Variants in GLT8D2 observed in about 807,000 individuals in gnomAD.
GLT8D2 encodes glycosyltransferase 8 domain containing 2.
A neutral mutation model predicts 44.5 loss-of-function variants in GLT8D2; 45 were observed. The ratio of observed to expected loss-of-function variants is 1.01; its 90% CI spans 0.80 to 1.30. GLT8D2 has a LOEUF of 1.30. Among genes scored for constraint, GLT8D2 ranks in the 50% most tolerant of loss-of-function variants. The pLI is 0.00. For synonymous variants in GLT8D2, 156 were observed against 157.2 expected, an observed-to-expected ratio of 0.99 and a Z score of 0.06; for missense variants, 400 against 430.4, an observed-to-expected ratio of 0.93 and a Z score of 0.62.
chr12:104,006,126 C>T (rs560582194), intron 4 of GLT8D2, among the ~76,000 whole-genome samples: 51 of 150,620 alleles, frequency 3.4e-4, no homozygotes, highest in Non-Finnish European at 5.4e-4. Flanking sequence ...AGCAAACTAT[C>T]GCAGGGATAA....
At position 104,017,382 on chromosome 12, in the gene GLT8D2, G is replaced by A. The variant is rs146996548; in HGVS notation, c.19+2248C>T. Among the ~76,000 whole-genome samples, 5 of 152,270 alleles carry A rather than the reference G, an allele frequency of 3.3e-5. No homozygotes were observed. The East Asian group carries it at 9.7e-4, about 29-fold the overall frequency. ...TTGTTGTCCAGGCTGGAGTGCAATGGCACAGCCTTGGCTCACTGCAACCTC... is the reference window on the plus strand; with the variant it reads ...TTGTTGTCCAGGCTGGAGTGCAATGACACAGCCTTGGCTCACTGCAACCTC... On this transcript the variant is annotated intron_variant, in intron 3 of 10. Coordinates refer to ENST00000360814, the MANE Select transcript of GLT8D2 (RefSeq NM_001384711.1).
chr12:103,993,081 A>G (rs2700510), intron 10 of GLT8D2, among the ~76,000 whole-genome samples: 22,753 of 152,188 alleles, frequency 0.15, 1,886 homozygotes, highest in Admixed American at 0.21. Flanking sequence ...CCGTAATCCT[A>G]GCACTTTGGG....
chr12:104,016,709 GAGAAAGAAAGAAAGAAAGAA>G (rs550246831), intron 3 of GLT8D2, among the ~76,000 whole-genome samples: 2,993 of 72,548 alleles, frequency 0.041, 187 homozygotes, highest in Non-Finnish European at 0.057. Flanking sequence ...GAAAGGGAGA[GAGAAAGAAAGAAAGAAAGAA>G]AGAAAGAAAG....
intron 1 of GLT8D2, among the ~76,000 whole-genome samples, chr12:104,056,660 A>G (rs1355756850): frequency 6.6e-6 from 1 of 152,252 alleles, no homozygotes; most frequent in Non-Finnish European, 1.5e-5. Flanking sequence ...ATATAACACA[A>G]GTCCCCCAAT....
chr12:104,050,539 A>G (rs1168426705), upstream of GLT8D2, among the ~76,000 whole-genome samples: 1 of 152,162 alleles, frequency 6.6e-6, no homozygotes, highest in African/African-American at 2.4e-5. Flanking sequence ...AAGTTTCAGG[A>G]TGGAGTGTTT....
intron 4 of GLT8D2, 56 bp from the exon 5 acceptor site, chr12:104,003,362 G>A (rs1668126041): frequency 1.4e-6 from 2 of 1,466,100 alleles, no homozygotes; most frequent in Admixed American, 1.7e-5. Context: ...AGTAGAGCCA[G>A]TTTAATGCAT....
At chr12:104,034,278 T>C (rs993700112) in intron 1 of GLT8D2, among the ~76,000 whole-genome samples, 7 of 152,188 alleles carry the variant, frequency 4.6e-5, no homozygotes, top group African/African-American at 1.2e-4. Flanking sequence ...GTTCATCTCA[T>C]TGGGACTGGT....
intron 1 of GLT8D2, among the ~76,000 whole-genome samples, chr12:104,022,036 AAGAAGAAGAAGAAGAAGAAGG>A (rs1593551049): frequency 7.5e-6 from 1 of 133,028 alleles, no homozygotes; most frequent in East Asian, 2.3e-4. Context: ...GAAGAAGAAG[AAGAAGAAGAAGAAGAAGAAGG>A]GAAAGAAAGA....
intron 6 of GLT8D2, among the ~76,000 whole-genome samples, chr12:103,998,509 A>T (rs1286120217): frequency 6.6e-6 from 1 of 152,132 alleles, no homozygotes; most frequent in Non-Finnish European, 1.5e-5. Context: ...TCCCGGGTTC[A>T]AGCGATTATC....
chr12:104,037,948 G>A lies in GLT8D2; in HGVS notation c.-164+11947C>T, dbSNP rs183046367. 1.4e-4 allele frequency among the ~76,000 whole-genome samples: 22 copies of A among 152,224 alleles called. 1 individual carries two copies. In the East Asian group the frequency reaches 4.2e-3, roughly 29 times the overall value. On this transcript the variant is annotated intron_variant, in intron 1 of 10. Coordinates refer to ENST00000360814, the MANE Select transcript of GLT8D2 (RefSeq NM_001384711.1). ...GCACATCAAAAAGCTTATCCACCAC[G>A]ATCAAGTTGGCCTCATCCCTGGGAT...
chr12:104,008,006 A>T (rs1875311694), intron 4 of GLT8D2, among the ~76,000 whole-genome samples: 1 of 152,238 alleles, frequency 6.6e-6, no homozygotes, highest in Admixed American at 6.5e-5. Flanking sequence ...AAGTCCGATT[A>T]AAACTCTTTT....
intron 1 of GLT8D2, chr12:104,030,704 A>G (rs1879138217): frequency 6.2e-7 from 1 of 1,605,156 alleles, no homozygotes; most frequent in East Asian, 2.2e-5. Flanking sequence ...AAAAACAAAT[A>G]ACTTGATTTA....
intron 10 of GLT8D2, 79 bp from the exon 11 acceptor site, chr12:103,989,656 A>AGTT: frequency 7.8e-7 from 1 of 1,274,494 alleles, no homozygotes; most frequent in East Asian, 2.4e-5. Context: ...ACAAGTTCAT[A>AGTT]GTTTAAAAAA....
chr12:104,039,532 G>A (rs2136466559), intron 1 of GLT8D2, among the ~76,000 whole-genome samples: 1 of 152,310 alleles, frequency 6.6e-6, no homozygotes, highest in East Asian at 1.9e-4. Flanking sequence ...GCAGCCAACA[G>A]ACACATGAAA....
upstream of GLT8D2, among the ~76,000 whole-genome samples, chr12:104,055,127 G>A (rs966588091): frequency 6.6e-6 from 1 of 152,148 alleles, no homozygotes; most frequent in African/African-American, 2.4e-5. Context: ...GGAGAGGGTG[G>A]CCAGCAAGAG....
chr12:103,999,075 T>G (rs898760597), intron 6 of GLT8D2, among the ~76,000 whole-genome samples: 6 of 152,068 alleles, frequency 3.9e-5, no homozygotes, highest in African/African-American at 1.4e-4. Context: ...AGCTGGTGGG[T>G]TTGGGACTCT....
At chr12:103,989,766 T>C (rs374328551) in intron 10 of GLT8D2, among the ~76,000 whole-genome samples, 189 bp from the exon 11 acceptor site, 181 of 152,272 alleles carry the variant, frequency 1.2e-3, no homozygotes, top group Non-Finnish European at 2.1e-3. Context: ...AGTAGTGTTA[T>C]AGCATTGTTT....
Position 104,049,723 on chromosome 12 carries a change from C to T in GLT8D2, c.-164+172G>A, listed in dbSNP as rs558699564. ...TTGCTGGAAATGGCCGAAAAGGGTT[C>T]CGCTGGAATGCTACCAGTTCGGACT... On this transcript the variant is annotated intron_variant, in intron 1 of 10. Coordinates refer to ENST00000360814, the MANE Select transcript of GLT8D2 (RefSeq NM_001384711.1). Among the ~76,000 whole-genome samples the T allele has an allele frequency of 1.1e-4, 16 of 152,294 alleles. No individual in the cohort carries two copies. In the South Asian group the frequency reaches 2.1e-3, roughly 20 times the overall value.
chr12:104,030,271 T>C (rs1951504658), intron 1 of GLT8D2, among the ~76,000 whole-genome samples: 1 of 152,144 alleles, frequency 6.6e-6, no homozygotes, highest in South Asian at 2.1e-4. Context: ...GTCTCTTTAG[T>C]AAGTGGTGCT....
Sources: allele counts gnomAD v4.1 joint callset (sites outside exome capture counted in the v4.1 genomes callset), GRCh38; gene constraint gnomAD v4.1.1; transcripts MANE v1.5; gene names NCBI Gene and HGNC (gene_info 2026-07-23, HGNC 2026-07-21).